CREB5: variants seen among roughly 807,000 people sequenced by gnomAD.
The protein encoded by CREB5 is cAMP responsive element binding protein 5, also known as cyclic AMP-responsive element-binding protein 5.
In CREB5, 19 loss-of-function variants were observed where a neutral mutation model predicts 57.1. That is an observed-to-expected ratio of 0.33 (90% CI 0.23 to 0.49). The LOEUF (loss-of-function observed/expected upper bound fraction) is 0.49, where lower values mean the gene tolerates loss of function less well. CREB5 is among the 20% of genes least tolerant of loss of function. The pLI is 0.99. For synonymous variants in CREB5, 238 were observed against 238.3 expected, an observed-to-expected ratio of 1.00 and a Z score of 0.01; for missense variants, 579 against 671.6, an observed-to-expected ratio of 0.86 and a Z score of 1.52.
At chr7:28,566,522 TTTG>T (rs1795486779) in intron 4 of CREB5, among the ~76,000 whole-genome samples, 1 of 152,234 alleles carries the variant, frequency 6.6e-6, no homozygotes, top group Non-Finnish European at 1.5e-5. Flanking sequence ...AGAGTCACTC[TTTG>T]TGTTTTTGAA....
At chr7:28,443,549 T>A (rs919180041) in intron 1 of CREB5, among the ~76,000 whole-genome samples, 1 of 152,172 alleles carries the variant, frequency 6.6e-6, no homozygotes, top group African/African-American at 2.4e-5. Flanking sequence ...CAACACTTAG[T>A]CGCTCTATTT....
chr7:28,735,013 C>T (rs1803890465), intron 7 of CREB5, among the ~76,000 whole-genome samples: 1 of 152,158 alleles, frequency 6.6e-6, no homozygotes, highest in African/African-American at 2.4e-5. Flanking sequence ...TTTGAAAATT[C>T]TTACTAATTA....
intron 9 of CREB5, among the ~76,000 whole-genome samples, chr7:28,813,532 C>A (rs903964343): frequency 1.3e-5 from 2 of 152,098 alleles, no homozygotes; most frequent in Admixed American, 6.6e-5. Flanking sequence ...TCAGAGTGAA[C>A]CAAACCTGGT....
intron 1 of CREB5, among the ~76,000 whole-genome samples, chr7:28,468,160 G>A (rs900531405): frequency 5.9e-5 from 9 of 152,194 alleles, no homozygotes; most frequent in African/African-American, 1.4e-4. Flanking sequence ...CAGACAAGCC[G>A]TGGGTAGGAC....
intron 9 of CREB5, among the ~76,000 whole-genome samples, chr7:28,817,147 G>A (rs1458176206): frequency 2.0e-5 from 3 of 152,230 alleles, no homozygotes; most frequent in African/African-American, 7.2e-5. Flanking sequence ...ATTGAGGGGG[G>A]AAAGAGTATT....
At chr7:28,582,119 A>C (rs1796144367) in intron 5 of CREB5, among the ~76,000 whole-genome samples, 1 of 152,240 alleles carries the variant, frequency 6.6e-6, no homozygotes, top group Non-Finnish European at 1.5e-5. Context: ...GCAAAGGGGC[A>C]TTCCTGTCTG....
intron 5 of CREB5, among the ~76,000 whole-genome samples, chr7:28,694,557 T>C (rs1428804531): frequency 2.0e-5 from 3 of 152,180 alleles, no homozygotes; most frequent in Admixed American, 1.3e-4. Context: ...TAATTCTTTT[T>C]TTAAAATTTT....
At chr7:28,713,851 C>G (rs1171930705) in intron 5 of CREB5, among the ~76,000 whole-genome samples, 3 of 152,306 alleles carry the variant, frequency 2.0e-5, no homozygotes, top group African/African-American at 7.2e-5. Flanking sequence ...TATCCTCCTG[C>G]TCCCTGAAGC....
At chr7:28,438,953 G>T (rs1188560131) in intron 1 of CREB5, among the ~76,000 whole-genome samples, 1 of 152,162 alleles carries the variant, frequency 6.6e-6, no homozygotes, top group Non-Finnish European at 1.5e-5. Flanking sequence ...GGAGAGCAGG[G>T]TAAAGACTGG....
At position 28,478,611 on chromosome 7, in the gene CREB5, T is replaced by C. The variant is rs117236758; in HGVS notation, c.4-9564T>C. Among the ~76,000 whole-genome samples the C allele has an allele frequency of 3.7e-3, 556 of 152,294 alleles. 7 individuals carry two copies. Among genetic ancestry groups the C allele is most frequent in the Middle Eastern group, 0.02 (6 of 294 alleles). On this transcript the variant is annotated intron_variant, in intron 1 of 10. Coordinates refer to ENST00000357727, the MANE Select transcript of CREB5 (RefSeq NM_182898.4). The stretch of plus-strand genomic sequence containing the variant: ...AGAAAGGAAAACACATTCTCTATGA[T>C]GGAGCTGTCCTCTCAGTAATAATAG...
intron 5 of CREB5, chr7:28,608,914 G>T (rs1055569859): frequency 1.3e-5 from 2 of 152,164 alleles, no homozygotes; most frequent in African/African-American, 4.8e-5. Flanking sequence ...GGGAGATTTT[G>T]CAATTGTTGG....
chr7:28,444,696 T>A (rs1789352782), intron 1 of CREB5, among the ~76,000 whole-genome samples: 1 of 152,200 alleles, frequency 6.6e-6, no homozygotes, highest in Non-Finnish European at 1.5e-5. Flanking sequence ...TCTCTCCTGC[T>A]GGTCTGCCCC....
At chr7:28,404,023 T>A (rs1348769786) in intron 1 of CREB5, among the ~76,000 whole-genome samples, 8 of 152,214 alleles carry the variant, frequency 5.3e-5, no homozygotes, top group Non-Finnish European at 8.8e-5. Context: ...TCCCATAATT[T>A]GTATGTCATG....
intron 7 of CREB5, among the ~76,000 whole-genome samples, chr7:28,748,893 C>T (rs1208964413): frequency 1.3e-5 from 2 of 152,180 alleles, no homozygotes; most frequent in Non-Finnish European, 2.9e-5. Flanking sequence ...CTGGAGGGCT[C>T]TCCCAGTGTC....
intron 1 of CREB5, among the ~76,000 whole-genome samples, chr7:28,427,632 C>T (rs552655314): frequency 8.5e-4 from 129 of 152,176 alleles, no homozygotes; most frequent in African/African-American, 3.0e-3. Flanking sequence ...CCCCACGGTG[C>T]CTGTCACAGG....
intron 1 of CREB5, among the ~76,000 whole-genome samples, chr7:28,482,735 A>G (rs1343403636): frequency 6.6e-6 from 1 of 152,206 alleles, no homozygotes; most frequent in Non-Finnish European, 1.5e-5. Flanking sequence ...TTTATAATGC[A>G]TTCATTTCCA....
At chr7:28,528,751 A>G (rs1228523337) in intron 4 of CREB5, among the ~76,000 whole-genome samples, 2 of 121,124 alleles carry the variant, frequency 1.7e-5, no homozygotes, top group Non-Finnish European at 3.4e-5. Context: ...AATTGTTATT[A>G]CCTTAACCAA....
intron 7 of CREB5, among the ~76,000 whole-genome samples, chr7:28,790,428 A>AAGAGAGAGAGAG (rs370615013): frequency 1.0e-3 from 116 of 115,738 alleles, no homozygotes; most frequent in Middle Eastern, 4.2e-3. Flanking sequence ...GAAAGAAAGA[A>AAGAGAGAGAGAG]AGAGAGAGAG....
At chr7:28,795,248 G>C (rs1307476940) in intron 7 of CREB5, among the ~76,000 whole-genome samples, 1 of 152,182 alleles carries the variant, frequency 6.6e-6, no homozygotes, top group Non-Finnish European at 1.5e-5. Context: ...TTGGATAGTA[G>C]ATGCTTTTTG....
Sources: allele counts gnomAD v4.1 joint callset (sites outside exome capture counted in the v4.1 genomes callset), GRCh38; gene constraint gnomAD v4.1.1; transcripts MANE v1.5; gene names NCBI Gene and HGNC (gene_info 2026-07-23, HGNC 2026-07-21).